Variants in ESRRG observed in about 807,000 individuals in gnomAD.
The protein encoded by ESRRG is estrogen-related receptor gamma.
ESRRG carries 13 observed loss-of-function variants against 44.0 expected under a neutral mutation model. The observed-to-expected ratio is 0.30, with a 90% CI of 0.19 to 0.47. ESRRG has a LOEUF of 0.47. Ranked by LOEUF, ESRRG falls within the 20% of genes least tolerant of loss-of-function variation. The pLI is 1.00. For synonymous variants in ESRRG, 215 were observed against 214.6 expected (o/e 1.00, Z -0.02); for missense variants, 395 against 580.6 (o/e 0.68, Z 3.29).
chr1:216,632,473 ATAATTTCATGTTTTTGTATG>A (rs1240573349), intron 3 of ESRRG, among the ~76,000 whole-genome samples: 1 of 152,228 alleles, frequency 6.6e-6, no homozygotes, highest in African/African-American at 2.4e-5. Context: ...AAAGAAAATG[ATAATTTCATGTTTTTGTATG>A]TATCATAGAT....
chr1:216,723,195 C>G (rs763896415), intron 1 of ESRRG, 49 bp downstream of exon 1: 14 of 1,468,080 alleles, frequency 9.5e-6, no homozygotes, highest in Middle Eastern at 3.5e-4. Flanking sequence ...CCGCCCCCAC[C>G]CCCGCACCCC....
chr1:216,821,413 C>T (rs918639948), intron 2 of ESRRG, among the ~76,000 whole-genome samples: 6 of 151,952 alleles, frequency 3.9e-5, no homozygotes, highest in Non-Finnish European at 5.9e-5. Context: ...AGGCCAAGCA[C>T]GGTGGCTCCT....
At chr1:216,863,425 G>A (rs1375254786) in intron 2 of ESRRG, 1 of 151,798 alleles carries the variant, frequency 6.6e-6, no homozygotes, top group African/African-American at 2.4e-5. Flanking sequence ...ATTTTTCTAT[G>A]TTCCTACTGA....
intron 2 of ESRRG, among the ~76,000 whole-genome samples, chr1:216,849,256 C>T (rs2095805387): frequency 6.6e-6 from 1 of 152,112 alleles, no homozygotes; most frequent in Admixed American, 6.6e-5. Flanking sequence ...GGCCCAAACC[C>T]ATAAAGGTAG....
chr1:216,612,517 A>T lies in ESRRG; in HGVS notation c.589+38456T>A, dbSNP rs180909003. 3.5e-4 allele frequency among the ~76,000 whole-genome samples: 53 copies of T among 152,264 alleles called. No individual in the cohort carries two copies. The East Asian group carries it at 9.5e-3, about 27-fold the overall frequency. On this transcript the variant is annotated intron_variant, in intron 3 of 6. Coordinates refer to ENST00000408911, the MANE Select transcript of ESRRG (RefSeq NM_001438.4). ...AAAATGTATGCATAACATTCTTTAC[A>T]GTTCCTTCCTCTCCACCCCCCTCCT...
At chr1:216,815,211 T>G (rs2095095814) in intron 2 of ESRRG, among the ~76,000 whole-genome samples, 7 of 152,228 alleles carry the variant, frequency 4.6e-5, no homozygotes, top group Admixed American at 4.6e-4. Flanking sequence ...AGAGCTTCAC[T>G]GTGCTGACAT....
At chr1:216,909,358 TTA>T (rs1417577268) in intron 2 of ESRRG, among the ~76,000 whole-genome samples, 1 of 152,098 alleles carries the variant, frequency 6.6e-6, no homozygotes, top group Non-Finnish European at 1.5e-5. Context: ...GGCCTGGTGG[TTA>T]TGAGTTACCA....
At chr1:217,125,302 T>A (rs1195769417) in intron 1 of ESRRG, among the ~76,000 whole-genome samples, 1 of 152,198 alleles carries the variant, frequency 6.6e-6, no homozygotes, top group Non-Finnish European at 1.5e-5. Context: ...GTACGAAGGA[T>A]GCTGTGATAA....
chr1:216,723,664 G>A (rs552613242), upstream of ESRRG, among the ~76,000 whole-genome samples: 3 of 152,234 alleles, frequency 2.0e-5, no homozygotes, highest in East Asian at 3.9e-4. Flanking sequence ...AGGGAGCGGA[G>A]AAGGGAGCGA....
intron 3 of ESRRG, among the ~76,000 whole-genome samples, chr1:216,597,465 T>C (rs753503428): frequency 1.3e-5 from 2 of 152,198 alleles, no homozygotes; most frequent in Non-Finnish European, 2.9e-5. Flanking sequence ...AGAACAGCTG[T>C]GGCAGAAAAG....
At chr1:216,915,224 C>T (rs1288701268) in intron 2 of ESRRG, among the ~76,000 whole-genome samples, 2 of 152,154 alleles carry the variant, frequency 1.3e-5, no homozygotes, top group Non-Finnish European at 1.5e-5. Flanking sequence ...TGGCTCACCA[C>T]TGTGTGGGGC....
At chr1:217,063,150 A>G (rs1380720215) in intron 1 of ESRRG, among the ~76,000 whole-genome samples, 2 of 152,186 alleles carry the variant, frequency 1.3e-5, no homozygotes, top group African/African-American at 4.8e-5. Flanking sequence ...CAGTTTCAGC[A>G]GACAGGGAAA....
chr1:216,747,104 C>T (rs1402292867), intron 2 of ESRRG, among the ~76,000 whole-genome samples: 1 of 152,010 alleles, frequency 6.6e-6, no homozygotes, highest in Non-Finnish European at 1.5e-5. Flanking sequence ...TTAAAGCTTC[C>T]AAAAATGCTT....
At position 217,103,604 on chromosome 1, in the gene ESRRG, G is replaced by A. The variant is rs867731917; in HGVS notation, c.-230+34063C>T. On this transcript the variant is annotated intron_variant, in intron 1 of 8. Coordinates refer to the ESRRG transcript ENST00000366940. ...GCCCAGGCGTTTGAGGCTGCAGTGA[G>A]CTAGGACTGTGCCACTGTATTCCAG... Among the ~76,000 whole-genome samples the A allele has an allele frequency of 1.0e-3, 155 of 152,110 alleles. 1 individual carries two copies. Among genetic ancestry groups the A allele is most frequent in the African/African-American group, 3.6e-3 (150 of 41,472 alleles).
chr1:217,094,597 A>G (rs1421589872), upstream of ESRRG, among the ~76,000 whole-genome samples: 3 of 152,250 alleles, frequency 2.0e-5, no homozygotes, highest in Non-Finnish European at 4.4e-5. Context: ...TTATCATGTC[A>G]GATGTGCCTT....
At chr1:217,018,773 C>T (rs2079837111) in intron 1 of ESRRG, among the ~76,000 whole-genome samples, 1 of 152,120 alleles carries the variant, frequency 6.6e-6, no homozygotes. Flanking sequence ...CTCTGAAGTC[C>T]ACCCTGTCCT....
chr1:216,829,619 A>G (rs1577015341), intron 2 of ESRRG, among the ~76,000 whole-genome samples: 1 of 147,902 alleles, frequency 6.8e-6, no homozygotes, highest in Non-Finnish European at 1.5e-5. Context: ...CAGTGGCGCC[A>G]TCTTGGCTCA....
intron 1 of ESRRG, among the ~76,000 whole-genome samples, chr1:217,079,346 C>T (rs1276677142): frequency 2.0e-5 from 3 of 152,202 alleles, no homozygotes; most frequent in African/African-American, 7.2e-5. Flanking sequence ...GAAATCAGAA[C>T]TGACAGTTTA....
intron 1 of ESRRG, among the ~76,000 whole-genome samples, chr1:217,117,360 C>A (rs551753699): frequency 6.6e-6 from 1 of 152,172 alleles, no homozygotes; most frequent in African/African-American, 2.4e-5. Flanking sequence ...GCTGAGGCAG[C>A]CTCACTTGAG....
Sources: allele counts gnomAD v4.1 joint callset (sites outside exome capture counted in the v4.1 genomes callset), GRCh38; gene constraint gnomAD v4.1.1; transcripts MANE v1.5; gene names NCBI Gene and HGNC (gene_info 2026-07-23, HGNC 2026-07-21).